AK8: variants seen among roughly 807,000 people sequenced by gnomAD.
AK8 encodes ATP-AMP transphosphorylase 8.
AK8 carries 44 observed loss-of-function variants against 54.6 expected under a neutral mutation model. The observed-to-expected ratio is 0.81, with a 90% CI of 0.63 to 1.04. The LOEUF (loss-of-function observed/expected upper bound fraction) is 1.04, where lower values mean the gene tolerates loss of function less well. Among genes scored for constraint, AK8 ranks in the 50% least tolerant of loss-of-function variants. The probability of loss-of-function intolerance (pLI) is 0.00; values close to 1 mark genes in which losing one functional copy is unlikely to be tolerated. For synonymous variants in AK8, 239 were observed against 245.6 expected, an observed-to-expected ratio of 0.97 and a Z score of 0.25; for missense variants, 555 against 613.6, an observed-to-expected ratio of 0.90 and a Z score of 1.01.
chr9:132,727,375 C>G, intron 12 of AK8, 79 bp downstream of exon 12: 3 of 1,335,082 alleles, frequency 2.2e-6, no homozygotes, highest in Non-Finnish European at 3.2e-6. Flanking sequence ...GCAGTGTTTC[C>G]ACCATGGCAT....
chr9:132,756,506 T>C (rs1838196398), intron 11 of AK8, among the ~76,000 whole-genome samples: 1 of 152,204 alleles, frequency 6.6e-6, no homozygotes, highest in Admixed American at 6.5e-5. Context: ...CAAATTCCTT[T>C]TAAACCACCT....
At chr9:132,774,238 G>T (rs1008140312) in intron 11 of AK8, among the ~76,000 whole-genome samples, 1 of 152,074 alleles carries the variant, frequency 6.6e-6, no homozygotes, top group African/African-American at 2.4e-5. Context: ...ATGGGGTGGG[G>T]GTGGCTCTGA....
chr9:132,840,710 T>C lies in AK8; in HGVS notation c.403-11984A>G, dbSNP rs559408770. 1.5e-4 allele frequency among the ~76,000 whole-genome samples: 23 copies of C among 152,222 alleles called. No homozygotes were observed. The South Asian group carries it at 1.7e-3, about 11-fold the overall frequency. ...GAGATCGAGACCAGCCTGGCTAACA[T>C]GGTGAAATCCTGTCTCTACTAAAAA... On this transcript the variant is annotated intron_variant, in intron 5 of 12. Transcript: ENST00000298545.
intron 10 of AK8, among the ~76,000 whole-genome samples, chr9:132,813,091 C>G (rs112201338): frequency 1.7e-4 from 22 of 127,972 alleles, no homozygotes; most frequent in East Asian, 4.9e-4. Flanking sequence ...TGAGCCTACA[C>G]AGATCACCTC....
intron 10 of AK8, among the ~76,000 whole-genome samples, chr9:132,814,219 T>A (rs1157808487): frequency 7.5e-6 from 1 of 133,814 alleles, no homozygotes; most frequent in Non-Finnish European, 1.5e-5. Context: ...GTTGAGGCTG[T>A]AGTGAGCTGA....
chr9:132,773,385 T>A (rs1260120133), intron 11 of AK8, among the ~76,000 whole-genome samples: 1 of 152,156 alleles, frequency 6.6e-6, no homozygotes, highest in African/African-American at 2.4e-5. Context: ...CACACCACCC[T>A]GTCCTCTCCC....
intron 10 of AK8, among the ~76,000 whole-genome samples, chr9:132,806,488 C>T (rs75603802): frequency 1.3e-5 from 2 of 152,068 alleles, no homozygotes; most frequent in Non-Finnish European, 2.9e-5. Context: ...TTGCTGGAAA[C>T]GGGCAGAGGG....
At chr9:132,839,826 G>T (rs866279799) in intron 5 of AK8, among the ~76,000 whole-genome samples, 14 of 147,426 alleles carry the variant, frequency 9.5e-5, no homozygotes, top group South Asian at 2.2e-4. Context: ...TTGCCGGGGG[G>T]GGGGGCGCAG....
In AK8 at chr9:132,756,821, G is replaced by T. The variant is rs1286233186; in HGVS notation, c.1122-29287C>A. On this transcript the variant is annotated intron_variant, in intron 11 of 12. Transcript: ENST00000298545. ...GGCGAATTCCGCACCCCCATAAAAC[G>T]ACTCACTCAAGGTCATTATCAGCCC... Among the ~76,000 whole-genome samples the T allele has an allele frequency of 2.0e-5, 3 of 151,876 alleles. No homozygotes were observed. In the East Asian group the frequency reaches 5.8e-4, roughly 29 times the overall value.
intron 3 of AK8, among the ~76,000 whole-genome samples, chr9:132,865,157 T>C (rs1843535687): frequency 1.3e-5 from 2 of 152,172 alleles, no homozygotes; most frequent in Non-Finnish European, 2.9e-5. Context: ...GCAAAATGGT[T>C]GGACTCAGGT....
chr9:132,861,178 C>T (rs1464562566), intron 4 of AK8, among the ~76,000 whole-genome samples: 2 of 152,230 alleles, frequency 1.3e-5, no homozygotes, highest in African/African-American at 4.8e-5. Flanking sequence ...TCCCCGTGGG[C>T]TTTGTGACAC....
At chr9:132,784,902 T>G (rs1441314201) in intron 11 of AK8, among the ~76,000 whole-genome samples, 1 of 152,124 alleles carries the variant, frequency 6.6e-6, no homozygotes, top group African/African-American at 2.4e-5. Context: ...ATAAAAACTT[T>G]GTAAGTATAG....
At chr9:132,841,000 C>T (rs1842520564) in intron 5 of AK8, among the ~76,000 whole-genome samples, 1 of 152,168 alleles carries the variant, frequency 6.6e-6, no homozygotes, top group Non-Finnish European at 1.5e-5. Flanking sequence ...CCCAAGTCAT[C>T]CAGCATGTAA....
At chr9:132,740,824 G>C (rs898282973) in intron 11 of AK8, among the ~76,000 whole-genome samples, 1 of 152,172 alleles carries the variant, frequency 6.6e-6, no homozygotes, top group Non-Finnish European at 1.5e-5. Context: ...CATCTCCAGG[G>C]CTGCACTCCT....
rs1039718405 is a variant in AK8 at position 132,800,170 on chromosome 9, T to C, written c.980-7395A>G. 3.3e-5 allele frequency among the ~76,000 whole-genome samples: 5 copies of C among 152,260 alleles called. 1 individual carries two copies. The highest frequency in any genetic ancestry group is 1.9e-4 in the East Asian group (1 of 5,190). The stretch of plus-strand genomic sequence containing the variant: ...CTCCCATCTCTGGAGGCCATCACTC[T>C]CGGGATGGCACTGATTCCCGGCAGC... On this transcript the variant is annotated intron_variant, in intron 10 of 12. Coordinates refer to ENST00000298545, the MANE Select transcript of AK8 (RefSeq NM_152572.3).
intron 11 of AK8, among the ~76,000 whole-genome samples, chr9:132,786,768 G>C (rs939697161): frequency 1.3e-5 from 2 of 152,056 alleles, no homozygotes; most frequent in African/African-American, 4.8e-5. Context: ...GGTAAAAAAA[G>C]ACTCTGCTGA....
intron 11 of AK8, among the ~76,000 whole-genome samples, chr9:132,763,159 T>C (rs1000088886): frequency 3.3e-5 from 5 of 152,226 alleles, no homozygotes; most frequent in African/African-American, 1.2e-4. Context: ...GGCTGCTGTA[T>C]GACACCATCT....
chr9:132,793,658 T>A (rs1421652063), intron 10 of AK8, among the ~76,000 whole-genome samples: 1 of 152,234 alleles, frequency 6.6e-6, no homozygotes, highest in Non-Finnish European at 1.5e-5. Context: ...AGAAGCCTCT[T>A]GTTTACATTG....
chr9:132,749,396 G>A lies in AK8; in HGVS notation c.1122-21862C>T, dbSNP rs568508098. On this transcript the variant is annotated intron_variant, in intron 11 of 12. Coordinates refer to ENST00000298545, the MANE Select transcript of AK8 (RefSeq NM_152572.3). ...CCTGCCATAACCACTGGGCACTACC[G>A]CCTCCCTGGATGCTCTTGTGCGAGG... Among the ~76,000 whole-genome samples, 18 of 151,988 alleles carry A rather than the reference G, an allele frequency of 1.2e-4. No homozygotes were observed. In the South Asian group the frequency reaches 3.5e-3, roughly 30 times the overall value.
Sources: allele counts gnomAD v4.1 joint callset (sites outside exome capture counted in the v4.1 genomes callset), GRCh38; gene constraint gnomAD v4.1.1; transcripts MANE v1.5; gene names NCBI Gene and HGNC (gene_info 2026-07-23, HGNC 2026-07-21).